LUZP2: variants seen among roughly 807,000 people sequenced by gnomAD.
The protein encoded by LUZP2 is leucine zipper protein 2.
A neutral mutation model predicts 51.6 loss-of-function variants in LUZP2; 52 were observed. That is an observed-to-expected ratio of 1.01 (90% CI 0.81 to 1.27). The LOEUF (loss-of-function observed/expected upper bound fraction) is 1.27, where lower values mean the gene tolerates loss of function less well. LUZP2 is among the 50% of genes most tolerant of loss of function. The probability of loss-of-function intolerance (pLI) is 0.00; values close to 1 mark genes in which losing one functional copy is unlikely to be tolerated. For synonymous variants in LUZP2, 154 were observed against 137.3 expected (o/e 1.12, Z -0.85); for missense variants, 436 against 395.4 (o/e 1.10, Z -0.87).
intron 1 of LUZP2, among the ~76,000 whole-genome samples, chr11:24,529,064 T>C (rs1422966654): frequency 6.6e-6 from 1 of 150,968 alleles, no homozygotes; most frequent in African/African-American, 2.4e-5. Context: ...AATCAGGCAC[T>C]TGCTGTCCTT....
At chr11:24,632,057 T>C (rs1450666262) in intron 1 of LUZP2, among the ~76,000 whole-genome samples, 11 of 152,036 alleles carry the variant, frequency 7.2e-5, no homozygotes, top group South Asian at 2.1e-4. Context: ...GGGGCATTTA[T>C]AGGTATTTAG....
intron 1 of LUZP2, among the ~76,000 whole-genome samples, chr11:24,676,645 ATTTTTG>A (rs1856560724): frequency 6.8e-6 from 1 of 147,956 alleles, no homozygotes. Flanking sequence ...CTCATAATTT[ATTTTTG>A]TTTTTGTTTG....
intron 5 of LUZP2, among the ~76,000 whole-genome samples, chr11:24,900,540 C>A (rs10834539): frequency 0.5 from 76,377 of 151,942 alleles, 19,497 homozygotes; most frequent in East Asian, 0.73. Flanking sequence ...TAAGTTCAGC[C>A]CAAAGTTGCC....
rs34673656 is a variant in LUZP2, at chr11:24,949,968, C to CT, written c.523-26607dup. On this transcript the variant is annotated intron_variant, in intron 7 of 11. Coordinates refer to ENST00000336930, the MANE Select transcript of LUZP2 (RefSeq NM_001009909.4). ...CCCGCCCTTTTTCTTTCTTTCTTTT[C>CT]TTTTTTTTTTTTTTTTGAGATGGAG... Among the ~76,000 whole-genome samples, 89 of 119,848 alleles carry CT rather than the reference C, an allele frequency of 7.4e-4. No homozygotes were observed. The East Asian group carries it at 7.7e-3, about 10-fold the overall frequency. 78.6% of individuals were successfully genotyped at this position (119,848 alleles called of 152,430 possible). A position where few individuals can be genotyped will look rare whatever the true frequency, so the allele number is the denominator to read the frequency against.
At chr11:24,560,461 T>C (rs1852003469) in intron 1 of LUZP2, among the ~76,000 whole-genome samples, 1 of 151,988 alleles carries the variant, frequency 6.6e-6, no homozygotes, top group Non-Finnish European at 1.5e-5. Flanking sequence ...ATAAAGAGGG[T>C]GACAAGGTGA....
In LUZP2 at chr11:24,912,746, G is replaced by A. The variant is rs536567940; in HGVS notation, c.460-1730G>A. On this transcript the variant is annotated intron_variant, in intron 6 of 11. Transcript: ENST00000336930. Reference sequence around the variant, plus strand: ...AATTGCTTGAACCAAGGAGGCGGAGGTTGCAGTGAGCTGAGAATGCGCCAC... The same window carrying A: ...AATTGCTTGAACCAAGGAGGCGGAGATTGCAGTGAGCTGAGAATGCGCCAC... 5.3e-5 allele frequency among the ~76,000 whole-genome samples: 8 copies of A among 152,198 alleles called. No homozygotes were observed. In the East Asian group the frequency reaches 1.5e-3, roughly 29 times the overall value.
chr11:24,960,411 A>G (rs893006531), intron 7 of LUZP2, among the ~76,000 whole-genome samples: 1 of 152,118 alleles, frequency 6.6e-6, no homozygotes, highest in Non-Finnish European at 1.5e-5. Flanking sequence ...GCTATTGATT[A>G]TTGCCTCAAT....
chr11:25,051,207 C>A (rs958260923), intron 10 of LUZP2, among the ~76,000 whole-genome samples: 25 of 152,046 alleles, frequency 1.6e-4, no homozygotes, highest in Admixed American at 1.0e-3. Flanking sequence ...CTCCCAACTA[C>A]TCGGGAGGCT....
intron 4 of LUZP2, among the ~76,000 whole-genome samples, chr11:24,747,075 T>G (rs1171621638): frequency 6.6e-6 from 1 of 152,172 alleles, no homozygotes; most frequent in African/African-American, 2.4e-5. Context: ...TCTTCTTGGA[T>G]CCATTGCTGG....
intron 1 of LUZP2, among the ~76,000 whole-genome samples, chr11:24,601,406 T>G (rs1043541593): frequency 2.6e-5 from 4 of 152,004 alleles, no homozygotes; most frequent in African/African-American, 9.7e-5. Context: ...ACAATTTTTT[T>G]AGGCAGAATT....
intron 9 of LUZP2, among the ~76,000 whole-genome samples, chr11:25,004,791 C>T (rs1449465874): frequency 6.6e-6 from 1 of 152,120 alleles, no homozygotes; most frequent in Non-Finnish European, 1.5e-5. Context: ...GTTGAGGTCC[C>T]AGTGGGGATC....
chr11:24,996,897 C>T (rs1856519582), intron 9 of LUZP2, among the ~76,000 whole-genome samples: 1 of 151,612 alleles, frequency 6.6e-6, no homozygotes, highest in African/African-American at 2.4e-5. Flanking sequence ...CGATAGTTTA[C>T]TGAGAATGAT....
At chr11:24,738,442 C>A in intron 4 of LUZP2, 140 bp downstream of exon 4, 1 of 614,708 alleles carries the variant, frequency 1.6e-6, no homozygotes. Flanking sequence ...TCAATGTGAA[C>A]AGAATAGTAC....
chr11:24,937,773 C>T (rs1398215963), intron 7 of LUZP2, among the ~76,000 whole-genome samples: 3 of 151,878 alleles, frequency 2.0e-5, no homozygotes, highest in Non-Finnish European at 2.9e-5. Context: ...TGGTGGCGGG[C>T]GCCCGTAGTT....
At chr11:24,713,578 C>T (rs1590385873) in intron 1 of LUZP2, among the ~76,000 whole-genome samples, 1 of 151,742 alleles carries the variant, frequency 6.6e-6, no homozygotes, top group Non-Finnish European at 1.5e-5. Flanking sequence ...CGGTGGCTCA[C>T]CCTGCAATCC....
chr11:24,807,229 G>T (rs2134128592), intron 5 of LUZP2, among the ~76,000 whole-genome samples: 1 of 152,120 alleles, frequency 6.6e-6, no homozygotes, highest in African/African-American at 2.4e-5. Context: ...GCCAAGGTGG[G>T]AGGTGGGCAG....
intron 1 of LUZP2, among the ~76,000 whole-genome samples, chr11:24,518,258 T>G (rs1003767893): frequency 1.3e-5 from 2 of 152,184 alleles, no homozygotes; most frequent in Admixed American, 1.3e-4. Context: ...CTTCATCTAA[T>G]CCATGAGTCA....
At chr11:24,756,161 A>G (rs1029739213) in intron 4 of LUZP2, among the ~76,000 whole-genome samples, 2 of 152,190 alleles carry the variant, frequency 1.3e-5, no homozygotes, top group Non-Finnish European at 1.5e-5. Context: ...TGAAAGCCAC[A>G]TCTTCTCCCA....
intron 1 of LUZP2, among the ~76,000 whole-genome samples, chr11:24,718,481 G>T (rs1313457715): frequency 4.6e-5 from 7 of 152,158 alleles, no homozygotes; most frequent in Non-Finnish European, 7.3e-5. Context: ...AAATAAGGAT[G>T]TCATCCATGA....
Sources: allele counts gnomAD v4.1 joint callset (sites outside exome capture counted in the v4.1 genomes callset), GRCh38; gene constraint gnomAD v4.1.1; transcripts MANE v1.5; gene names NCBI Gene and HGNC (gene_info 2026-07-23, HGNC 2026-07-21).